The following RPS6KC1 variants were observed in gnomAD, a reference collection of about 807,000 sequenced individuals.
The protein encoded by RPS6KC1 is ribosomal protein S6 kinase C1, also known as inactive ribosomal protein S6 kinase delta-1.
A neutral mutation model predicts 103.8 loss-of-function variants in RPS6KC1; 54 were observed. The ratio of observed to expected loss-of-function variants is 0.52; its 90% CI spans 0.42 to 0.65. The LOEUF (loss-of-function observed/expected upper bound fraction) is 0.65. Among genes scored for constraint, RPS6KC1 ranks in the 30% least tolerant of loss-of-function variants. The probability of loss-of-function intolerance (pLI) is 0.00; values close to 1 mark genes in which losing one functional copy is unlikely to be tolerated. For synonymous variants in RPS6KC1, 439 were observed against 438.7 expected (o/e 1.00, Z -0.01); for missense variants, 1,151 against 1,253.8 (o/e 0.92, Z 1.24).
At chr1:213,106,238 TAATC>T (rs1016930712) in intron 4 of RPS6KC1, among the ~76,000 whole-genome samples, 25 of 151,776 alleles carry the variant, frequency 1.6e-4, no homozygotes, top group South Asian at 4.1e-4. Flanking sequence ...TAAATAGAGA[TAATC>T]AAGCAAGAAA....
chr1:213,428,302 T>G, the RPS6KC1 span, among the ~76,000 whole-genome samples: 1 of 152,170 alleles, frequency 6.6e-6, no homozygotes, highest in Non-Finnish European at 1.5e-5. Flanking sequence ...CTTTTATTAG[T>G]TTTTACTTAC....
chr1:213,777,707 C>T, the RPS6KC1 span, among the ~76,000 whole-genome samples: 1 of 152,146 alleles, frequency 6.6e-6, no homozygotes, highest in Non-Finnish European at 1.5e-5. Context: ...CGAAGTATGC[C>T]TGTATAGCAA....
At chr1:213,686,730 G>A in the RPS6KC1 span, among the ~76,000 whole-genome samples, 1 of 152,148 alleles carries the variant, frequency 6.6e-6, no homozygotes, top group Admixed American at 6.5e-5. Flanking sequence ...AAAGAATTCG[G>A]GGCAAGTTCA....
intron 7 of RPS6KC1, among the ~76,000 whole-genome samples, chr1:213,175,005 G>A (rs2091770585): frequency 6.6e-6 from 1 of 151,962 alleles, no homozygotes; most frequent in Admixed American, 6.6e-5. Flanking sequence ...CATCATTTCA[G>A]GTACAGTTAA....
chr1:213,304,034 T>C, the RPS6KC1 span, among the ~76,000 whole-genome samples: 2 of 150,144 alleles, frequency 1.3e-5, no homozygotes, highest in South Asian at 4.2e-4. Flanking sequence ...TGAAACCCCG[T>C]CTCTACTAAA....
chr1:213,569,527 T>G, the RPS6KC1 span, among the ~76,000 whole-genome samples: 1 of 152,174 alleles, frequency 6.6e-6, no homozygotes. Context: ...ATAAGTCACC[T>G]GTACTCATTT....
chr1:213,402,871 G>C, the RPS6KC1 span, among the ~76,000 whole-genome samples: 4 of 151,642 alleles, frequency 2.6e-5, no homozygotes, highest in African/African-American at 9.7e-5. Flanking sequence ...TTTTTTGGGT[G>C]GGGGAGGCCG....
chr1:213,109,353 G>A (rs2082793331), intron 4 of RPS6KC1, among the ~76,000 whole-genome samples: 1 of 151,712 alleles, frequency 6.6e-6, no homozygotes, highest in South Asian at 2.1e-4. Flanking sequence ...TAGCCAGGAT[G>A]GTCTCAATCT....
chr1:213,323,703 TA>T, the RPS6KC1 span, among the ~76,000 whole-genome samples: 2 of 152,192 alleles, frequency 1.3e-5, no homozygotes, highest in Non-Finnish European at 2.9e-5. Context: ...TTCAAGATTT[TA>T]TTTTTTTTTA....
intron 8 of RPS6KC1, among the ~76,000 whole-genome samples, chr1:213,214,342 C>G (rs928527799): frequency 1.3e-5 from 2 of 152,250 alleles, no homozygotes; most frequent in African/African-American, 4.8e-5. Flanking sequence ...GGTGCCCGCC[C>G]TTGCTGAGGC....
the RPS6KC1 span, among the ~76,000 whole-genome samples, chr1:213,593,119 C>T: frequency 1.3e-5 from 2 of 151,768 alleles, no homozygotes; most frequent in African/African-American, 2.4e-5. Context: ...GATGCTCAAA[C>T]AGCAGAAGAA....
At chr1:213,200,890 G>A (rs528745751) in intron 8 of RPS6KC1, among the ~76,000 whole-genome samples, 1 of 152,248 alleles carries the variant, frequency 6.6e-6, no homozygotes, top group Admixed American at 6.5e-5. Flanking sequence ...CATACCGCAT[G>A]TTCCTACTTA....
chr1:213,838,977 A>G, the RPS6KC1 span, among the ~76,000 whole-genome samples: 1 of 152,210 alleles, frequency 6.6e-6, no homozygotes, highest in Non-Finnish European at 1.5e-5. Context: ...GATTTTAGCA[A>G]TATGGTGTCT....
chr1:213,689,214 G>T, the RPS6KC1 span, among the ~76,000 whole-genome samples: 7 of 152,208 alleles, frequency 4.6e-5, no homozygotes, highest in Non-Finnish European at 8.8e-5. Flanking sequence ...ACCCTTGCCT[G>T]GCACAGGTGG....
the RPS6KC1 span, among the ~76,000 whole-genome samples, chr1:213,434,446 CTCTT>C: frequency 2.2e-4 from 34 of 151,842 alleles, no homozygotes; most frequent in East Asian, 5.8e-4. Flanking sequence ...ATCTTTGTTT[CTCTT>C]TCTTTCTTTC....
chr1:213,120,679 A>G (rs2148923770), intron 5 of RPS6KC1, among the ~76,000 whole-genome samples: 1 of 152,284 alleles, frequency 6.6e-6, no homozygotes, highest in African/African-American at 2.4e-5. Flanking sequence ...TAAATGTACT[A>G]TTTTAAGCCA....
the RPS6KC1 span, among the ~76,000 whole-genome samples, chr1:213,583,159 C>G: frequency 6.6e-6 from 1 of 152,174 alleles, no homozygotes; most frequent in Non-Finnish European, 1.5e-5. Context: ...ATTCATTCAC[C>G]TGCTGATGGA....
the RPS6KC1 span, among the ~76,000 whole-genome samples, chr1:213,848,607 A>G: frequency 6.6e-6 from 1 of 152,120 alleles, no homozygotes; most frequent in Non-Finnish European, 1.5e-5. Flanking sequence ...ATTCTAATAT[A>G]TATTAATTTC....
the RPS6KC1 span, among the ~76,000 whole-genome samples, chr1:213,597,250 G>A: frequency 6.6e-6 from 1 of 152,112 alleles, no homozygotes; most frequent in Non-Finnish European, 1.5e-5. Context: ...ACTTTATTCT[G>A]GTTAAGAAAA....
Sources: gnomAD v4.1 joint callset for allele counts (sites outside exome capture counted in the v4.1 genomes callset) on GRCh38, gnomAD v4.1.1 for gene constraint, MANE v1.5 for transcripts, NCBI Gene and HGNC (gene_info 2026-07-23, HGNC 2026-07-21) for gene names.